Variants in TMEM177 observed in about 807,000 individuals in gnomAD.
TMEM177 encodes the protein transmembrane protein 177.
Under a neutral mutation model 14.2 loss-of-function variants are expected in TMEM177, and 4 were observed. The observed-to-expected ratio is 0.28, with a 90% CI of 0.14 to 0.64. The LOEUF (loss-of-function observed/expected upper bound fraction) is 0.64. TMEM177 is among the 30% of genes least tolerant of loss of function. The pLI is 0.82. For synonymous variants in TMEM177, 179 were observed against 174.5 expected, an observed-to-expected ratio of 1.03 and a Z score of -0.20; for missense variants, 344 against 405.2, an observed-to-expected ratio of 0.85 and a Z score of 1.30.
chr2:119,679,469 T>C (rs1688838574), intron 1 of TMEM177, 193 bp downstream of exon 1: 1 of 151,728 alleles, frequency 6.6e-6, no homozygotes. Flanking sequence ...TTTCTTAGCC[T>C]CACTTTCCGC....
the TMEM177 span, among the ~76,000 whole-genome samples, chr2:119,720,762 G>A: frequency 1.3e-5 from 2 of 152,210 alleles, no homozygotes; most frequent in East Asian, 3.9e-4. Context: ...AGTTCTTATT[G>A]TTTAAGTTAT....
the TMEM177 span, among the ~76,000 whole-genome samples, chr2:119,708,599 G>A: frequency 7.9e-5 from 12 of 151,964 alleles, 2 homozygotes; most frequent in South Asian, 1.7e-3. Flanking sequence ...TCTCCTGAGC[G>A]TCTTTTAATC....
chr2:119,700,356 T>C, the TMEM177 span, among the ~76,000 whole-genome samples: 3 of 152,160 alleles, frequency 2.0e-5, no homozygotes, highest in African/African-American at 7.2e-5. Context: ...TTTACTCTTG[T>C]TGGGAGCCTG....
downstream of TMEM177, chr2:119,686,414 A>G (rs574967276): frequency 6.6e-5 from 10 of 152,290 alleles, no homozygotes; most frequent in African/African-American, 2.4e-4. Context: ...TCAAAGCCCC[A>G]GTTCAGTTAG....
chr2:119,682,703 G>A (rs1176884470), downstream of TMEM177, among the ~76,000 whole-genome samples: 4 of 152,276 alleles, frequency 2.6e-5, no homozygotes, highest in East Asian at 1.9e-4. Flanking sequence ...TTGTAAGACC[G>A]AGGCCCTGCA....
Position 119,681,795 on chromosome 2 carries a change from T to A in TMEM177, c.*6T>A, listed in dbSNP as rs376973029. The A allele has an allele frequency of 7.5e-6, 12 of 1,608,058 alleles. No homozygotes were observed. Among genetic ancestry groups the A allele is most frequent in the Admixed American group, 1.7e-5 (1 of 59,810 alleles). On this transcript the variant is annotated 3_prime_UTR_variant, in exon 2 of 2. Transcript: ENST00000272521. ...TCAATCCGGGCCGCTCCTGATGGGC[T>A]CATCACAAGGACACTTCCAGCTTGT...
chr2:119,719,595 CTT>C, the TMEM177 span, among the ~76,000 whole-genome samples: 5 of 152,258 alleles, frequency 3.3e-5, no homozygotes, highest in African/African-American at 1.2e-4. Context: ...ACAAAACACT[CTT>C]TGGTTTTTGT....
chr2:119,681,853 C>T lies in TMEM177; in HGVS notation c.*64C>T, dbSNP rs995014046. The T allele has an allele frequency of 7.2e-5, 109 of 1,505,682 alleles. No homozygotes were observed. Among genetic ancestry groups the T allele is most frequent in the Non-Finnish European group, 9.2e-5 (101 of 1,100,304 alleles). The allele number at this position is 1,505,682 out of a possible 1,614,324, so 93.3% of individuals were successfully genotyped here. Reference sequence around the variant, plus strand: ...CCACCCTGCCATTGAGTCTGGAGGGCCCTGTTGGAGCCTTTGGACCTATAG... The same window carrying T: ...CCACCCTGCCATTGAGTCTGGAGGGTCCTGTTGGAGCCTTTGGACCTATAG... On this transcript the variant is annotated 3_prime_UTR_variant, in exon 2 of 2. Transcript: ENST00000272521.
chr2:119,711,399 C>G, the TMEM177 span, among the ~76,000 whole-genome samples: 1 of 152,134 alleles, frequency 6.6e-6, no homozygotes, highest in African/African-American at 2.4e-5. Flanking sequence ...ATAATAATGC[C>G]TTCTTGCTGG....
chr2:119,694,322 A>G, the TMEM177 span, among the ~76,000 whole-genome samples: 1 of 149,088 alleles, frequency 6.7e-6, no homozygotes, highest in African/African-American at 2.5e-5. Flanking sequence ...CACACACACC[A>G]CTCACCTCAC....
the TMEM177 span, among the ~76,000 whole-genome samples, chr2:119,702,030 G>A: frequency 6.6e-6 from 1 of 152,190 alleles, no homozygotes. Flanking sequence ...AGCAATTTGG[G>A]GAAGTTCAGA....
the TMEM177 span, among the ~76,000 whole-genome samples, chr2:119,716,549 G>C: frequency 6.6e-6 from 1 of 152,322 alleles, no homozygotes; most frequent in African/African-American, 2.4e-5. Context: ...CCAGCCAGGG[G>C]AGAAATGGGT....
At chr2:119,705,972 G>T in the TMEM177 span, among the ~76,000 whole-genome samples, 1 of 65,862 alleles carries the variant, frequency 1.5e-5, no homozygotes, top group Admixed American at 1.7e-4. Flanking sequence ...CAGGAATTCT[G>T]GCTCTCTCTC....
chr2:119,716,566 G>T, the TMEM177 span, among the ~76,000 whole-genome samples: 4 of 152,304 alleles, frequency 2.6e-5, no homozygotes, highest in South Asian at 6.2e-4. Flanking sequence ...GGGTGTAAGG[G>T]ACCCACAGGG....
At chr2:119,680,724 C>T (rs998441212) in intron 1 of TMEM177, 108 bp from the exon 2 acceptor site, 1 of 817,442 alleles carries the variant, frequency 1.2e-6, no homozygotes, top group Non-Finnish European at 1.9e-6. Flanking sequence ...CACTCTTCAC[C>T]ACTATGCTGT....
At chr2:119,706,191 T>C in the TMEM177 span, among the ~76,000 whole-genome samples, 3 of 151,868 alleles carry the variant, frequency 2.0e-5, no homozygotes, top group African/African-American at 7.3e-5. Context: ...GCCCGGCTAC[T>C]TTTTGTGTTT....
the TMEM177 span, among the ~76,000 whole-genome samples, chr2:119,702,317 T>C: frequency 2.0e-5 from 3 of 152,208 alleles, no homozygotes; most frequent in East Asian, 5.8e-4. Context: ...GTTTCACCAA[T>C]GTAACAAGTG....
chr2:119,681,244 T>G lies in TMEM177; in HGVS notation c.391T>G (p.Trp131Gly). ...GGTCATACATGGGCATACAGTGGAC[T>G]GGCGGAGCCCAGCAGGCGCCCGGCT... The part of the protein sequence containing the change: ...PVVIHGHTVD[W>G]RSPAGARLRA... The change falls in exon 2 of 2, where the codon TGG becomes GGG. Residue 131 changes from tryptophan (W) to glycine (G), a missense_variant. Physicochemically the swap from Trp to Gly is radical, Grantham distance 184 (BLOSUM62 -2). Coordinates refer to ENST00000272521, the MANE Select transcript of TMEM177 (RefSeq NM_030577.3). 1 of 1,614,270 alleles carries G rather than the reference T, an allele frequency of 6.2e-7. No individual in the cohort carries two copies. Among genetic ancestry groups the G allele is most frequent in the Non-Finnish European group, 8.5e-7 (1 of 1,180,042 alleles).
rs571857068 is a variant in TMEM177 at position 119,681,618 on chromosome 2, G to A, written c.765G>A (p.Ser255=). The A allele has an allele frequency of 4.9e-5, 79 of 1,614,220 alleles. No individual in the cohort carries two copies. The highest frequency in any genetic ancestry group is 3.3e-4 in the Middle Eastern group (2 of 6,062). Residue 255 remains serine (S), a synonymous_variant, in exon 2 of 2, where the codon TCG becomes TCA. Coordinates refer to ENST00000272521, the MANE Select transcript of TMEM177 (RefSeq NM_030577.3). ...GGVEFYEKLL[S]GNLALRSLLG... ...TGGAGTTCTATGAGAAGCTTCTGTC[G>A]GGCAACCTGGCCCTGCGCAGTCTCT...
Sources: allele counts gnomAD v4.1 joint callset (sites outside exome capture counted in the v4.1 genomes callset), GRCh38; gene constraint gnomAD v4.1.1; transcripts MANE v1.5; gene names NCBI Gene and HGNC (gene_info 2026-07-23, HGNC 2026-07-21).